OPCML: variants seen among roughly 807,000 people sequenced by gnomAD.
OPCML encodes the protein opioid-binding protein/cell adhesion molecule.
OPCML carries 13 observed loss-of-function variants against 37.8 expected under a neutral mutation model. That is an observed-to-expected ratio of 0.34 (90% confidence interval 0.22 to 0.55). The LOEUF is 0.55. OPCML is among the 20% of genes least tolerant of loss of function. The probability of loss-of-function intolerance (pLI) is 0.91; values close to 1 mark genes in which losing one functional copy is unlikely to be tolerated. For synonymous variants in OPCML, 176 were observed against 168.8 expected, an observed-to-expected ratio of 1.04 and a Z score of -0.33; for missense variants, 341 against 435.6, an observed-to-expected ratio of 0.78 and a Z score of 1.93.
intron 1 of OPCML, among the ~76,000 whole-genome samples, chr11:132,993,645 C>T (rs1591889218): frequency 6.6e-6 from 1 of 152,050 alleles, no homozygotes; most frequent in Non-Finnish European, 1.5e-5. Context: ...CTGCCCTCCG[C>T]GAGCCTAGAG....
intron 2 of OPCML, among the ~76,000 whole-genome samples, chr11:132,894,442 T>A (rs1943761028): frequency 6.6e-6 from 1 of 152,226 alleles, no homozygotes; most frequent in African/African-American, 2.4e-5. Context: ...ATAGAGCTAA[T>A]CCACACCCAT....
chr11:132,916,714 A>T (rs1310097693), intron 2 of OPCML, among the ~76,000 whole-genome samples: 1 of 152,166 alleles, frequency 6.6e-6, no homozygotes, highest in Non-Finnish European at 1.5e-5. Context: ...AGTAAAGAGA[A>T]TGTCATAGAA....
chr11:132,641,661 T>A (rs1940857335), intron 3 of OPCML, among the ~76,000 whole-genome samples: 1 of 152,220 alleles, frequency 6.6e-6, no homozygotes, highest in African/African-American at 2.4e-5. Context: ...AAGCCTTATT[T>A]TGAAGGTGAT....
chr11:132,513,815 C>T (rs1285566397), intron 4 of OPCML, among the ~76,000 whole-genome samples: 2 of 152,192 alleles, frequency 1.3e-5, no homozygotes, highest in Non-Finnish European at 1.5e-5. Context: ...GAATATATCA[C>T]TAATGCACCC....
At chr11:132,615,834 G>C (rs940496083) in intron 3 of OPCML, among the ~76,000 whole-genome samples, 2 of 152,124 alleles carry the variant, frequency 1.3e-5, no homozygotes, top group African/African-American at 4.8e-5. Context: ...CTGTAGAGAA[G>C]AAGAATCATA....
chr11:133,264,237 G>A (rs1381790599), intron 1 of OPCML, among the ~76,000 whole-genome samples: 3 of 152,200 alleles, frequency 2.0e-5, no homozygotes, highest in Non-Finnish European at 4.4e-5. Flanking sequence ...CCCAGGGGAA[G>A]CACTGATGCT....
chr11:132,741,590 C>T (rs958094237), intron 2 of OPCML, among the ~76,000 whole-genome samples: 1 of 152,122 alleles, frequency 6.6e-6, no homozygotes, highest in Non-Finnish European at 1.5e-5. Context: ...TGAAACTATG[C>T]AATAATCGTT....
At chr11:133,275,615 GC>G (rs1002373748) in intron 1 of OPCML, among the ~76,000 whole-genome samples, 1 of 152,100 alleles carries the variant, frequency 6.6e-6, no homozygotes, top group Non-Finnish European at 1.5e-5. Flanking sequence ...ATGAGCTCTA[GC>G]CCCCACCAGA....
intron 4 of OPCML, among the ~76,000 whole-genome samples, chr11:132,518,981 T>G (rs1165447707): frequency 1.3e-5 from 2 of 152,172 alleles, no homozygotes; most frequent in Non-Finnish European, 2.9e-5. Context: ...ATGATACAAG[T>G]GATATCCATT....
intron 1 of OPCML, among the ~76,000 whole-genome samples, chr11:133,385,595 C>A (rs1945027930): frequency 6.6e-6 from 1 of 152,004 alleles, no homozygotes; most frequent in Non-Finnish European, 1.5e-5. Flanking sequence ...TCCAGCCTAG[C>A]TGTTTTCAAA....
chr11:133,184,540 C>T (rs1355495228), intron 1 of OPCML, among the ~76,000 whole-genome samples: 3 of 152,146 alleles, frequency 2.0e-5, no homozygotes, highest in Admixed American at 2.0e-4. Context: ...ATGGCAGAAA[C>T]ATCTGTGCCT....
intron 2 of OPCML, among the ~76,000 whole-genome samples, chr11:132,828,550 TA>T (rs35238591): frequency 0.15 from 22,052 of 148,812 alleles, 1,800 homozygotes; most frequent in African/African-American, 0.2. Flanking sequence ...ACAGCTCTTT[TA>T]AAAAAAAAAG....
intron 3 of OPCML, among the ~76,000 whole-genome samples, chr11:132,530,406 T>C (rs1479146253): frequency 6.6e-6 from 1 of 151,926 alleles, no homozygotes; most frequent in Admixed American, 6.6e-5. Context: ...ACGGAGATAA[T>C]TGCAATAGCC....
At chr11:133,026,590 C>G (rs1173458155) in intron 1 of OPCML, 1 of 984,974 alleles carries the variant, frequency 1.0e-6, no homozygotes, top group Non-Finnish European at 1.2e-6. Context: ...GTGATTCTTT[C>G]TAGCTAATGT....
chr11:132,697,998 ATTTATTTATT>A, intron 2 of OPCML, among the ~76,000 whole-genome samples: 1 of 145,798 alleles, frequency 6.9e-6, no homozygotes, highest in Non-Finnish European at 1.5e-5. Context: ...TTATTTATTT[ATTTATTTATT>A]TATTTATTTA....
At chr11:132,784,966 C>T (rs1947158957) in intron 2 of OPCML, among the ~76,000 whole-genome samples, 1 of 152,154 alleles carries the variant, frequency 6.6e-6, no homozygotes, top group South Asian at 2.1e-4. Context: ...TTCTTCATAA[C>T]AATGAAGAAT....
chr11:133,080,206 C>A (rs2137028509), intron 1 of OPCML, among the ~76,000 whole-genome samples: 1 of 152,304 alleles, frequency 6.6e-6, no homozygotes, highest in South Asian at 2.1e-4. Flanking sequence ...TGGAATCAAC[C>A]TGCGGGACTG....
At chr11:133,368,720 T>C (rs1230556086) in intron 1 of OPCML, among the ~76,000 whole-genome samples, 2 of 152,168 alleles carry the variant, frequency 1.3e-5, no homozygotes, top group African/African-American at 4.8e-5. Context: ...CTTTTAAAAA[T>C]CTAGAACAAG....
intron 4 of OPCML, among the ~76,000 whole-genome samples, chr11:132,488,733 T>G (rs1272019368): frequency 6.6e-6 from 1 of 152,252 alleles, no homozygotes; most frequent in Non-Finnish European, 1.5e-5. Flanking sequence ...ATAATTTTTT[T>G]AACTTTTTGA....
Sources: gnomAD v4.1 joint callset for allele counts (sites outside exome capture counted in the v4.1 genomes callset) on GRCh38, gnomAD v4.1.1 for gene constraint, MANE v1.5 for transcripts, NCBI Gene and HGNC (gene_info 2026-07-23, HGNC 2026-07-21) for gene names.